Variants in LAMC1 observed in about 807,000 individuals in gnomAD.
LAMC1 encodes laminin subunit gamma 1, also known as laminin subunit gamma-1.
Under a neutral mutation model 173.6 loss-of-function variants are expected in LAMC1, and 38 were observed. The ratio of observed to expected loss-of-function variants is 0.22; its 90% CI spans 0.17 to 0.29. LAMC1 has a LOEUF of 0.29. Among genes scored for constraint, LAMC1 ranks in the 10% least tolerant of loss-of-function variants. The pLI is 1.00. For synonymous variants in LAMC1, 746 were observed against 749.1 expected, an observed-to-expected ratio of 1.00 and a Z score of 0.07; for missense variants, 1,824 against 2,051.8, an observed-to-expected ratio of 0.89 and a Z score of 2.14.
chr1:183,072,691 G>A (rs954801244), intron 1 of LAMC1, among the ~76,000 whole-genome samples: 2 of 152,236 alleles, frequency 1.3e-5, no homozygotes, highest in East Asian at 3.8e-4. Flanking sequence ...GGGAGCAGCA[G>A]GCAAGCGAGC....
chr1:183,128,173 T>C (rs1314103484), intron 17 of LAMC1, among the ~76,000 whole-genome samples: 1 of 152,178 alleles, frequency 6.6e-6, no homozygotes, highest in East Asian at 1.9e-4. Context: ...GGATGTTAAG[T>C]TTGAGATACC....
At chr1:183,040,904 G>A (rs796610702) in intron 1 of LAMC1, among the ~76,000 whole-genome samples, 45 of 152,288 alleles carry the variant, frequency 3.0e-4, no homozygotes, top group African/African-American at 8.7e-4. Context: ...ATGAAGTGCC[G>A]TGAGAGAAGG....
rs114116493 is a variant in LAMC1 at position 183,138,734 on chromosome 1, C to T, written c.4473+907C>T. Among the ~76,000 whole-genome samples, 542 of 152,124 alleles carry T rather than the reference C, an allele frequency of 3.6e-3. 4 individuals are homozygous for T. Among genetic ancestry groups the T allele is most frequent in the African/African-American group, 0.012 (511 of 41,496 alleles). On this transcript the variant is annotated intron_variant, in intron 26 of 27. Transcript: ENST00000258341. ...TGGTTTGGATTGTCCTGATTTTCTC[C>T]GTTATGGTGTGGCTCAAGTAAAAAT...
chr1:183,111,257 T>G (rs968872545), intron 4 of LAMC1, among the ~76,000 whole-genome samples: 1 of 152,188 alleles, frequency 6.6e-6, no homozygotes, highest in Admixed American at 6.5e-5. Context: ...CAGCTAACTT[T>G]TGTGTTTTTA....
chr1:183,056,400 C>T (rs1052192840), intron 1 of LAMC1, among the ~76,000 whole-genome samples: 13 of 152,150 alleles, frequency 8.5e-5, no homozygotes, highest in African/African-American at 2.9e-4. Flanking sequence ...CCTCTTGCTC[C>T]CAGTTTCTGT....
intron 1 of LAMC1, among the ~76,000 whole-genome samples, chr1:183,099,637 G>T (rs952536731): frequency 2.6e-5 from 4 of 151,896 alleles, no homozygotes; most frequent in African/African-American, 4.8e-5. Context: ...ATCTTCCTCT[G>T]TGTGTGCTGT....
At chr1:183,062,853 A>G (rs1381555278) in intron 1 of LAMC1, among the ~76,000 whole-genome samples, 1 of 151,990 alleles carries the variant, frequency 6.6e-6, no homozygotes, top group African/African-American at 2.4e-5. Context: ...ACTTGGGTGG[A>G]TGAGGCTCAA....
Position 183,116,559 on chromosome 1 carries a change from C to T in LAMC1, c.1329-18C>T, listed in dbSNP as rs1351019940. On this transcript the variant is annotated intron_variant, in intron 6 of 27. Transcript: ENST00000258341. Reference sequence around the variant, plus strand: ...TTTCTCCCTTCTCTGATTGTTTTATCCATTTTTCATTGAATAGGCCATGCT... The same window carrying T: ...TTTCTCCCTTCTCTGATTGTTTTATTCATTTTTCATTGAATAGGCCATGCT... 4 of 1,496,228 alleles carry T rather than the reference C, an allele frequency of 2.7e-6. No homozygotes were observed. Among genetic ancestry groups the T allele is most frequent in the African/African-American group, 2.8e-5 (2 of 72,480 alleles). The allele number at this position is 1,496,228 out of a possible 1,614,324, so 92.7% of individuals were successfully genotyped here. A position where few individuals can be genotyped will look rare whatever the true frequency, so the allele number is the denominator to read the frequency against.
At chr1:183,125,606 T>C in intron 15 of LAMC1, 56 bp downstream of exon 15, 2 of 1,331,646 alleles carry the variant, frequency 1.5e-6, no homozygotes, top group Admixed American at 2.4e-5. Context: ...TTATAAAAAA[T>C]GAATTTTTAT....
Position 183,110,383 on chromosome 1 carries a change from A to G in LAMC1, c.855-105A>G, listed in dbSNP as rs1200318399. 6 of 840,780 alleles carry G rather than the reference A, an allele frequency of 7.1e-6. No homozygotes were observed. The African/African-American group carries it at 1.0e-4, about 15-fold the overall frequency. The allele number at this position is 840,780 out of a possible 1,614,324, so 52.1% of individuals were successfully genotyped here. On this transcript the variant is annotated intron_variant, in intron 3 of 27. Transcript: ENST00000258341. The stretch of plus-strand genomic sequence containing the variant: ...AATCTTGCTCAGTTCCCCAGTTTAC[A>G]CTTTTGAATGGTAAAACTTACTTCT...
chr1:183,087,009 T>A (rs567550029), intron 1 of LAMC1, among the ~76,000 whole-genome samples: 12 of 152,360 alleles, frequency 7.9e-5, no homozygotes, highest in African/African-American at 2.9e-4. Flanking sequence ...ATAAACTCTT[T>A]ATTTTACACT....
chr1:183,120,872 T>C (rs1304506720), intron 11 of LAMC1, among the ~76,000 whole-genome samples: 1 of 152,158 alleles, frequency 6.6e-6, no homozygotes, highest in African/African-American at 2.4e-5. Flanking sequence ...AGGGCAGAAA[T>C]TATGTAACCT....
At chr1:183,110,132 G>C (rs1453054028) in intron 3 of LAMC1, among the ~76,000 whole-genome samples, 2 of 152,166 alleles carry the variant, frequency 1.3e-5, no homozygotes, top group Non-Finnish European at 2.9e-5. Flanking sequence ...AAGTGACAGG[G>C]AAGGGTTTCA....
intron 1 of LAMC1, among the ~76,000 whole-genome samples, chr1:183,076,185 T>C (rs1231753901): frequency 6.6e-6 from 1 of 152,206 alleles, no homozygotes; most frequent in Non-Finnish European, 1.5e-5. Context: ...CCTGTAACTA[T>C]GCCTCCACAG....
chr1:183,051,195 C>CT (rs1325282515), intron 1 of LAMC1, among the ~76,000 whole-genome samples: 1 of 152,204 alleles, frequency 6.6e-6, no homozygotes, highest in Non-Finnish European at 1.5e-5. Flanking sequence ...GCTGTGACTG[C>CT]TTTAACCAAT....
At chr1:183,108,183 TAATA>T (rs1558050359) in intron 2 of LAMC1, 89 bp from the exon 3 acceptor site, 2 of 1,189,480 alleles carry the variant, frequency 1.7e-6, no homozygotes, top group Non-Finnish European at 2.5e-6. Flanking sequence ...AGTTAAATGA[TAATA>T]AGTTAGTGAT....
intron 6 of LAMC1, among the ~76,000 whole-genome samples, chr1:183,115,903 G>C (rs1306300936): frequency 1.1e-4 from 16 of 151,998 alleles, no homozygotes; most frequent in Admixed American, 1.0e-3. Context: ...CACTTTGGGA[G>C]GCCAAGGTGG....
intron 5 of LAMC1, among the ~76,000 whole-genome samples, chr1:183,115,277 A>T (rs1656285218): frequency 6.6e-6 from 1 of 152,204 alleles, no homozygotes; most frequent in Non-Finnish European, 1.5e-5. Context: ...GTGATTTTCA[A>T]CATTGATGAG....
At chr1:183,024,191 C>A in intron 1 of LAMC1, 57 bp downstream of exon 1, 1 of 1,467,630 alleles carries the variant, frequency 6.8e-7, no homozygotes, top group Non-Finnish European at 9.1e-7. Context: ...AGCTCCCGGA[C>A]CGGCTCCGTC....
Sources: gnomAD v4.1 joint callset for allele counts (sites outside exome capture counted in the v4.1 genomes callset) on GRCh38, gnomAD v4.1.1 for gene constraint, MANE v1.5 for transcripts, NCBI Gene and HGNC (gene_info 2026-07-23, HGNC 2026-07-21) for gene names.